Variants in PLA2R1 observed in about 807,000 individuals in gnomAD.
The protein encoded by PLA2R1 is secretory phospholipase A2 receptor.
A neutral mutation model predicts 195.9 loss-of-function variants in PLA2R1; 158 were observed. The ratio of observed to expected loss-of-function variants is 0.81; its 90% confidence interval spans 0.71 to 0.92. PLA2R1 has a LOEUF of 0.92. Among genes scored for constraint, PLA2R1 ranks in the 40% least tolerant of loss-of-function variants. The pLI, the probability that PLA2R1 is intolerant of heterozygous loss-of-function variation, is 0.00. For synonymous variants in PLA2R1, 586 were observed against 598.2 expected, an observed-to-expected ratio of 0.98 and a Z score of 0.30; for missense variants, 1,626 against 1,764.6, an observed-to-expected ratio of 0.92 and a Z score of 1.41.
intron 6 of PLA2R1, among the ~76,000 whole-genome samples, chr2:160,026,904 T>C (rs534323658): frequency 6.6e-6 from 1 of 152,180 alleles, no homozygotes; most frequent in South Asian, 2.1e-4. Context: ...GAGGCTGAGG[T>C]GGGCGGACTG....
chr2:160,053,350 G>C (rs894668495), intron 1 of PLA2R1, among the ~76,000 whole-genome samples: 1 of 9,550 alleles, frequency 1.0e-4, no homozygotes, highest in Non-Finnish European at 3.0e-4. Flanking sequence ...GAATTTGGTG[G>C]GGGGGGGGGG....
intron 11 of PLA2R1, among the ~76,000 whole-genome samples, chr2:159,993,616 T>G (rs567633549): frequency 8.0e-4 from 122 of 152,038 alleles, no homozygotes; most frequent in African/African-American, 2.6e-3. Context: ...CAATGGATGC[T>G]TCTAGGTCTG....
At chr2:159,942,100 A>T in intron 29 of PLA2R1, 27 bp downstream of exon 29, 1 of 1,604,670 alleles carries the variant, frequency 6.2e-7, no homozygotes, top group Non-Finnish European at 8.5e-7. Context: ...AGAAAAATCA[A>T]AATGTTTTGT....
At chr2:160,042,573 G>C (rs1694586861) in intron 2 of PLA2R1, among the ~76,000 whole-genome samples, 1 of 152,048 alleles carries the variant, frequency 6.6e-6, no homozygotes, top group Non-Finnish European at 1.5e-5. Context: ...TAGATTCATA[G>C]GCATTTATTA....
intron 1 of PLA2R1, among the ~76,000 whole-genome samples, chr2:160,050,927 C>A (rs1695175284): frequency 6.6e-6 from 1 of 152,180 alleles, no homozygotes; most frequent in African/African-American, 2.4e-5. Flanking sequence ...CCCTTCTGAT[C>A]ACCTCTACTT....
chr2:160,045,626 T>C (rs1487062822), intron 1 of PLA2R1, among the ~76,000 whole-genome samples: 1 of 152,214 alleles, frequency 6.6e-6, no homozygotes, highest in Non-Finnish European at 1.5e-5. Flanking sequence ...CTCTCTACCA[T>C]CAAGTTCCTA....
At chr2:160,047,407 C>T (rs773422467) in intron 1 of PLA2R1, among the ~76,000 whole-genome samples, 1 of 152,208 alleles carries the variant, frequency 6.6e-6, no homozygotes, top group Non-Finnish European at 1.5e-5. Flanking sequence ...AGCTGCAGAC[C>T]TGGTTGAACC....
chr2:159,966,236 C>T (rs955045972), intron 20 of PLA2R1, among the ~76,000 whole-genome samples: 3 of 152,122 alleles, frequency 2.0e-5, no homozygotes, highest in Middle Eastern at 3.2e-3. Flanking sequence ...CTGTCGCATG[C>T]CAGTGTGGGT....
At position 159,946,837 on chromosome 2, in the gene PLA2R1, G is replaced by A. The variant is rs1687416846; in HGVS notation, c.3931C>T (p.Gln1311Ter). 2 of 1,610,264 alleles carry A rather than the reference G, an allele frequency of 1.2e-6. No individual in the cohort carries two copies. The highest frequency in any genetic ancestry group is 1.7e-6 in the Non-Finnish European group (2 of 1,178,472). ...AATTGAGCATTCAACCAAACCATCT[G>A]GACAGAAGAACCAAAAGCAAACAGC... is the stretch of plus-strand genomic sequence containing the variant. ...EELFAFGSSV[Q>*]MVWLNAQFDG... The change falls in exon 27 of 30, where the codon CAG becomes TAG. Residue 1311 changes from glutamine to a stop codon, truncating the protein, a stop_gained. Transcript: ENST00000283243. LOFTEE classifies it high-confidence loss of function.
chr2:160,027,790 G>T (rs746598615), intron 6 of PLA2R1, among the ~76,000 whole-genome samples: 6 of 152,168 alleles, frequency 3.9e-5, no homozygotes, highest in Non-Finnish European at 7.4e-5. Context: ...TTTCAGGGAG[G>T]AAGGTGTGTT....
At chr2:160,020,642 T>C (rs1418522244) in intron 7 of PLA2R1, among the ~76,000 whole-genome samples, 2 of 152,126 alleles carry the variant, frequency 1.3e-5, no homozygotes, top group South Asian at 2.1e-4. Context: ...AGACCTGAGA[T>C]AGCACACTCA....
In PLA2R1 at chr2:159,979,914, C is replaced by T. The variant is rs781382844; in HGVS notation, c.2184G>A (p.Trp728Ter). ...CAATCCAGAACTGCCTTTCTTCTGT[C>T]CTGTAAAGAGAAGAAACAAAAGCTT... ...VNELLHSKFN[W>*]TEERQFWIGF... is the part of the protein sequence containing the mutation. The change falls in exon 14 of 30, where the codon TGG becomes TGA. Residue 728 changes from tryptophan to a stop codon, truncating the protein, a stop_gained and splice_region_variant. Transcript: ENST00000283243. LOFTEE classifies it high-confidence loss of function. The T allele has an allele frequency of 2.5e-6, 4 of 1,574,802 alleles. No homozygotes were observed. The highest frequency in any genetic ancestry group is 3.5e-6 in the Non-Finnish European group (4 of 1,147,050).
intron 17 of PLA2R1, among the ~76,000 whole-genome samples, chr2:159,970,919 A>T (rs1184174005): frequency 2.1e-5 from 2 of 93,310 alleles, no homozygotes; most frequent in South Asian, 8.2e-4. Context: ...ACATGGACAC[A>T]GGGAGGGGAA....
At chr2:159,928,352 T>C (rs1686529572), downstream of PLA2R1, among the ~76,000 whole-genome samples, 1 of 152,148 alleles carries the variant, frequency 6.6e-6, no homozygotes, top group Non-Finnish European at 1.5e-5. Context: ...GAGCTGCCAC[T>C]GCCCAAACAA....
chr2:160,041,034 T>C (rs894354673), intron 3 of PLA2R1, among the ~76,000 whole-genome samples: 6 of 152,200 alleles, frequency 3.9e-5, no homozygotes, highest in African/African-American at 9.7e-5. Context: ...AATTTCATTG[T>C]TGGGAGGAAG....
rs1313668994 is a variant in PLA2R1 at position 159,955,201 on chromosome 2, T to G, written c.3299A>C (p.Gln1100Pro). The G allele has an allele frequency of 1.2e-6, 2 of 1,600,270 alleles. No individual in the cohort carries two copies. The highest frequency in any genetic ancestry group is 1.1e-5 in the South Asian group (1 of 88,140). Residue 1100 changes from glutamine to proline, a missense_variant and splice_region_variant, in exon 23 of 30, where the codon CAA (glutamine) becomes CCA (proline). Coordinates refer to ENST00000283243, the MANE Select transcript of PLA2R1 (RefSeq NM_007366.5). ...EGYGFVCEKM[Q>P]DTSGHGVNTS... The stretch of plus-strand genomic sequence containing the variant: ...ATAAAAACCCAAATATTTCTTACCT[T>G]GCATTTTTTCACAAACAAACCCATA...
chr2:160,006,293 T>A (rs3792175), intron 10 of PLA2R1, among the ~76,000 whole-genome samples: 56,906 of 152,128 alleles, frequency 0.37, 13,439 homozygotes, highest in Non-Finnish European at 0.53. Context: ...CCCACCTACC[T>A]CACTTGCCTG....
intron 3 of PLA2R1, among the ~76,000 whole-genome samples, chr2:160,035,097 T>A (rs894101633): frequency 2.0e-5 from 3 of 152,200 alleles, no homozygotes; most frequent in African/African-American, 7.2e-5. Flanking sequence ...AACCTTATTA[T>A]GTATATGCAA....
downstream of PLA2R1, among the ~76,000 whole-genome samples, chr2:159,930,661 C>T (rs1234012029): frequency 1.3e-5 from 2 of 152,082 alleles, no homozygotes; most frequent in Admixed American, 6.5e-5. Context: ...TTGGTGAACA[C>T]GGAAATGAAA....
Sources: gnomAD v4.1 joint callset for allele counts (sites outside exome capture counted in the v4.1 genomes callset) on GRCh38, gnomAD v4.1.1 for gene constraint, MANE v1.5 for transcripts, NCBI Gene and HGNC (gene_info 2026-07-23, HGNC 2026-07-21) for gene names.